DCDC1: variants seen among roughly 807,000 people sequenced by gnomAD.
DCDC1 encodes the protein doublecortin domain containing 1.
Under a neutral mutation model 178.3 loss-of-function variants are expected in DCDC1, and 200 were observed. That is an observed-to-expected ratio of 1.12 (90% CI 1.00 to 1.26). DCDC1 has a LOEUF of 1.26. Among genes scored for constraint, DCDC1 ranks in the 50% most tolerant of loss-of-function variants. The pLI is 0.00. For synonymous variants in DCDC1, 690 were observed against 604.8 expected (o/e 1.14, Z -2.07); for missense variants, 1,983 against 1,749.2 (o/e 1.13, Z -2.38).
At chr11:31,200,767 A>T (rs1013703707) in intron 9 of DCDC1, among the ~76,000 whole-genome samples, 3 of 151,994 alleles carry the variant, frequency 2.0e-5, no homozygotes, top group Non-Finnish European at 2.9e-5. Context: ...AAATTTATTG[A>T]CAGCATGCTA....
intron 12 of DCDC1, among the ~76,000 whole-genome samples, chr11:31,109,214 G>C (rs965957092): frequency 2.6e-5 from 4 of 151,348 alleles, no homozygotes; most frequent in African/African-American, 9.7e-5. Context: ...AGCATCCCAG[G>C]CTCAAGTGAT....
At chr11:31,252,568 A>G (rs542652292) in intron 8 of DCDC1, among the ~76,000 whole-genome samples, 47 of 152,190 alleles carry the variant, frequency 3.1e-4, no homozygotes, top group African/African-American at 1.1e-3. Flanking sequence ...CTCATCATTG[A>G]TTGACCTGGA....
chr11:31,280,735 G>T, intron 7 of DCDC1: 1 of 585,678 alleles, frequency 1.7e-6, no homozygotes, highest in Non-Finnish European at 3.2e-6. Context: ...TCTTAATGCC[G>T]GCAAAGATCA....
At chr11:31,275,949 T>C (rs1945954642) in intron 7 of DCDC1, among the ~76,000 whole-genome samples, 1 of 152,252 alleles carries the variant, frequency 6.6e-6, no homozygotes, top group African/African-American at 2.4e-5. Context: ...TTTGTGCCTC[T>C]GTATATAGTT....
chr11:31,072,493 CACTTATGAAGATGT>C lies in DCDC1; in HGVS notation c.2298+5358_2298+5371del, dbSNP rs555691654. 2.2e-3 allele frequency among the ~76,000 whole-genome samples: 333 copies of C among 152,134 alleles called. 3 individuals carry two copies. The highest frequency in any genetic ancestry group is 6.3e-3 in the African/African-American group (263 of 41,516). ...TGTATGGATTCTCCCTTTGTTTGCA[CACTTATGAAGATGT>C]ACTTATGAAGATGTACTTATGAAGA... On this transcript the variant is annotated intron_variant, in intron 18 of 38. Coordinates refer to ENST00000684477, the MANE Select transcript of DCDC1 (RefSeq NM_001387274.1).
chr11:31,250,314 A>T (rs1943891428), intron 8 of DCDC1, among the ~76,000 whole-genome samples: 1 of 145,794 alleles, frequency 6.9e-6, no homozygotes, highest in Admixed American at 6.9e-5. Context: ...AAAAAAAATT[A>T]TGAGTGGATG....
intron 20 of DCDC1, among the ~76,000 whole-genome samples, chr11:30,954,577 T>C (rs2134508894): frequency 6.6e-6 from 1 of 152,352 alleles, no homozygotes; most frequent in Non-Finnish European, 1.5e-5. Flanking sequence ...ATTAAAGATG[T>C]AAAATTCCTA....
chr11:31,217,982 T>C (rs768772588), intron 9 of DCDC1, among the ~76,000 whole-genome samples: 10 of 152,128 alleles, frequency 6.6e-5, no homozygotes, highest in Middle Eastern at 3.2e-3. Flanking sequence ...ATCTATGCTA[T>C]ATATTTCAAA....
At chr11:31,055,509 C>A (rs1955527129) in intron 20 of DCDC1, among the ~76,000 whole-genome samples, 1 of 152,002 alleles carries the variant, frequency 6.6e-6, no homozygotes, top group Non-Finnish European at 1.5e-5. Context: ...GGGTATCTAC[C>A]CAGAGGAAAA....
At chr11:31,020,875 A>T (rs535953515) in intron 20 of DCDC1, among the ~76,000 whole-genome samples, 1 of 152,368 alleles carries the variant, frequency 6.6e-6, no homozygotes, top group South Asian at 2.1e-4. Flanking sequence ...TCAAATCACA[A>T]AGGGGTGACT....
chr11:31,276,814 A>C (rs1032754539), intron 7 of DCDC1, among the ~76,000 whole-genome samples: 1 of 152,138 alleles, frequency 6.6e-6, no homozygotes, highest in Non-Finnish European at 1.5e-5. Context: ...TATGATTTGA[A>C]AAGGCAGCTA....
At chr11:31,083,304 G>C (rs149585453) in intron 17 of DCDC1, among the ~76,000 whole-genome samples, 5 of 152,294 alleles carry the variant, frequency 3.3e-5, no homozygotes, top group East Asian at 1.9e-4. Context: ...CTTTAAGATA[G>C]AACATTCAGT....
intron 20 of DCDC1, among the ~76,000 whole-genome samples, chr11:31,063,893 C>G (rs944647938): frequency 2.0e-5 from 3 of 152,012 alleles, no homozygotes; most frequent in Non-Finnish European, 2.9e-5. Context: ...TCAACCCCAA[C>G]AAAATAATAA....
chr11:31,282,577 A>G (rs1295953608), intron 7 of DCDC1, among the ~76,000 whole-genome samples: 1 of 152,118 alleles, frequency 6.6e-6, no homozygotes, highest in East Asian at 1.9e-4. Flanking sequence ...TACTTAAAAT[A>G]ATTTTAATCC....
chr11:31,038,144 C>A lies in DCDC1; in HGVS notation c.2591+26325G>T, dbSNP rs1445723486. 9.9e-5 allele frequency among the ~76,000 whole-genome samples: 15 copies of A among 151,258 alleles called. No individual in the cohort carries two copies. The East Asian group carries it at 2.9e-3, about 30-fold the overall frequency. ...AATGACGATTTAATGGGTGCAACAC[C>A]AACATGGCACATGCATACATATGTA... On this transcript the variant is annotated intron_variant, in intron 20 of 38. Coordinates refer to ENST00000684477, the MANE Select transcript of DCDC1 (RefSeq NM_001387274.1).
At chr11:31,292,757 T>C (rs1345425008) in intron 6 of DCDC1, among the ~76,000 whole-genome samples, 1 of 152,102 alleles carries the variant, frequency 6.6e-6, no homozygotes, top group Non-Finnish European at 1.5e-5. Flanking sequence ...ATTATTAATT[T>C]TGCATTATGT....
At chr11:31,103,623 C>T (rs1958646213) in intron 14 of DCDC1, 21 bp downstream of exon 14, 1 of 752,758 alleles carries the variant, frequency 1.3e-6, no homozygotes, top group Non-Finnish European at 2.4e-6. Flanking sequence ...ACATCTTTAA[C>T]AAGATTACTT....
chr11:31,301,667 C>T (rs1349258224), intron 6 of DCDC1, among the ~76,000 whole-genome samples: 1 of 152,122 alleles, frequency 6.6e-6, no homozygotes, highest in Middle Eastern at 3.2e-3. Context: ...TGTTATGCTG[C>T]TATTTAGAAT....
At chr11:31,017,293 T>C (rs1952541178) in intron 20 of DCDC1, among the ~76,000 whole-genome samples, 1 of 152,176 alleles carries the variant, frequency 6.6e-6, no homozygotes, top group Non-Finnish European at 1.5e-5. Context: ...CTCTTCCTCC[T>C]CAGCCCACTC....
Sources: gnomAD v4.1 joint callset for allele counts (sites outside exome capture counted in the v4.1 genomes callset) on GRCh38, gnomAD v4.1.1 for gene constraint, MANE v1.5 for transcripts, NCBI Gene and HGNC (gene_info 2026-07-23, HGNC 2026-07-21) for gene names.